Variants in NCAM2 observed in about 807,000 individuals in gnomAD.
NCAM2 encodes the protein N-CAM-2.
In NCAM2, 30 loss-of-function variants were observed where a neutral mutation model predicts 98.1. That is an observed-to-expected ratio of 0.31 (90% CI 0.23 to 0.41). NCAM2 has a LOEUF of 0.41. NCAM2 is among the 10% of genes least tolerant of loss of function. The probability of loss-of-function intolerance (pLI) is 1.00; values close to 1 mark genes in which losing one functional copy is unlikely to be tolerated. For synonymous variants in NCAM2, 368 were observed against 342.4 expected (o/e 1.07, Z -0.83); for missense variants, 867 against 1,005.8 (o/e 0.86, Z 1.87).
At chr21:21,210,546 T>C (rs2069611225) in intron 1 of NCAM2, 3 of 1,287,812 alleles carry the variant, frequency 2.3e-6, no homozygotes, top group East Asian at 5.6e-5. Context: ...TTCAGAGTTA[T>C]TTGAAGAGTA....
intron 5 of NCAM2, among the ~76,000 whole-genome samples, chr21:21,319,869 C>T (rs912601606): frequency 2.6e-5 from 4 of 152,090 alleles, no homozygotes; most frequent in African/African-American, 9.7e-5. Flanking sequence ...TGTTTTTGTA[C>T]TTGCTGTCTA....
intron 5 of NCAM2, among the ~76,000 whole-genome samples, chr21:21,319,608 T>G (rs1334570512): frequency 6.6e-6 from 1 of 152,140 alleles, no homozygotes; most frequent in Non-Finnish European, 1.5e-5. Context: ...ACCACTGCAC[T>G]CCAGCCTGTC....
intron 1 of NCAM2, among the ~76,000 whole-genome samples, chr21:21,089,572 G>T: frequency 6.6e-6 from 1 of 152,154 alleles, no homozygotes; most frequent in East Asian, 1.9e-4. Context: ...GCCTGTGCCA[G>T]AATGACTTTA....
At chr21:21,281,034 G>A (rs973158440) in intron 2 of NCAM2, among the ~76,000 whole-genome samples, 1 of 151,938 alleles carries the variant, frequency 6.6e-6, no homozygotes, top group African/African-American at 2.4e-5. Flanking sequence ...CAAGTGATCC[G>A]CCCGCCTTGG....
In NCAM2 at chr21:21,192,242, C is replaced by CA. The variant is rs2068847222; in HGVS notation, c.56-88329dup. ...CCCTCAAAAAACAAAAAAACAAAAA[C>CA]AAAAAAACTAAAAAAAAACCCGATG... On this transcript the variant is annotated intron_variant, in intron 1 of 17. Coordinates refer to ENST00000400546, the MANE Select transcript of NCAM2 (RefSeq NM_004540.5). Among the ~76,000 whole-genome samples, 8 of 150,144 alleles carry CA rather than the reference C, an allele frequency of 5.3e-5. No homozygotes were observed. The South Asian group carries it at 1.5e-3, about 28-fold the overall frequency.
intron 1 of NCAM2, among the ~76,000 whole-genome samples, chr21:21,232,304 A>T (rs1203550565): frequency 6.6e-6 from 1 of 151,706 alleles, no homozygotes; most frequent in Non-Finnish European, 1.5e-5. Flanking sequence ...ACACATTCAT[A>T]TATAAATTAC....
At chr21:21,448,727 G>A (rs1172480461) in intron 12 of NCAM2, among the ~76,000 whole-genome samples, 1 of 151,904 alleles carries the variant, frequency 6.6e-6, no homozygotes, top group Non-Finnish European at 1.5e-5. Context: ...AGGAGAAATT[G>A]ACTATAAAAT....
At chr21:21,212,163 C>CTTCA (rs1160130794) in intron 1 of NCAM2, among the ~76,000 whole-genome samples, 1 of 152,124 alleles carries the variant, frequency 6.6e-6, no homozygotes, top group Admixed American at 6.5e-5. Flanking sequence ...CCCATATGTC[C>CTTCA]TTCAAGAGGT....
chr21:21,282,989 A>G (rs2072981646), intron 2 of NCAM2, among the ~76,000 whole-genome samples: 2 of 151,906 alleles, frequency 1.3e-5, no homozygotes, highest in South Asian at 4.1e-4. Flanking sequence ...TGTATTATTC[A>G]AATGTAAAGA....
intron 12 of NCAM2, among the ~76,000 whole-genome samples, chr21:21,457,548 G>C (rs1413088688): frequency 3.3e-5 from 5 of 151,922 alleles, no homozygotes; most frequent in African/African-American, 1.2e-4. Flanking sequence ...GCTGAGGCAA[G>C]ATAATTGCTT....
intron 5 of NCAM2, among the ~76,000 whole-genome samples, chr21:21,296,696 G>T (rs2073493520): frequency 2.0e-5 from 3 of 151,590 alleles, no homozygotes; most frequent in Admixed American, 1.3e-4. Flanking sequence ...AGAGATAATT[G>T]GGGCCTTTAC....
chr21:21,452,982 T>C (rs13053108), intron 12 of NCAM2, among the ~76,000 whole-genome samples: 1 of 85,694 alleles, frequency 1.2e-5, no homozygotes, highest in African/African-American at 4.9e-5. Context: ...TATTATATAT[T>C]ATATATTATA....
At chr21:21,146,203 ATAT>A (rs994169663) in intron 1 of NCAM2, among the ~76,000 whole-genome samples, 9 of 152,176 alleles carry the variant, frequency 5.9e-5, no homozygotes, top group African/African-American at 1.4e-4. Context: ...ATATTTTAAA[ATAT>A]TATAGTTCAT....
chr21:21,288,067 A>ATATTATTCACTG (rs1236198126), intron 4 of NCAM2, among the ~76,000 whole-genome samples: 1 of 151,908 alleles, frequency 6.6e-6, no homozygotes, highest in Non-Finnish European at 1.5e-5. Context: ...ATTTGGTATA[A>ATATTATTCACTG]CCTATGTACA....
chr21:21,299,366 C>G (rs1369472270), intron 5 of NCAM2, among the ~76,000 whole-genome samples: 4 of 150,536 alleles, frequency 2.7e-5, no homozygotes, highest in Admixed American at 2.0e-4. Context: ...CGGAGAATGT[C>G]TGTTTCTGAT....
rs1275509684 is a variant in NCAM2 at position 21,540,284 on chromosome 21, CATATATATACATATATAT to C, written c.*2332_*2349del. 1 of 108,304 alleles carries C rather than the reference CATATATATACATATATAT, an allele frequency of 9.2e-6. No individual in the cohort carries two copies. The highest frequency in any genetic ancestry group is 2.0e-5 in the Non-Finnish European group (1 of 50,008). 6.7% of individuals were successfully genotyped at this position (108,304 alleles called of 1,614,324 possible). On this transcript the variant is annotated 3_prime_UTR_variant, in exon 18 of 18. Coordinates refer to ENST00000400546, the MANE Select transcript of NCAM2 (RefSeq NM_004540.5). ...ATATATACACATATATATATATACACATATATATACATATATATATATGATGTTAAATTTCCTGCCACT... is the reference window on the plus strand; with the variant it reads ...ATATATACACATATATATATATACACATATGATGTTAAATTTCCTGCCACT...
At chr21:21,313,204 G>A (rs2074112301) in intron 5 of NCAM2, among the ~76,000 whole-genome samples, 1 of 151,198 alleles carries the variant, frequency 6.6e-6, no homozygotes, top group Non-Finnish European at 1.5e-5. Flanking sequence ...ATTTTGTTCT[G>A]TTTTCAATTT....
intron 1 of NCAM2, among the ~76,000 whole-genome samples, chr21:21,034,995 CT>C (rs1357890890): frequency 2.6e-5 from 4 of 152,288 alleles, no homozygotes; most frequent in Non-Finnish European, 5.9e-5. Flanking sequence ...CACCCTCAAA[CT>C]TGTCTGTAAC....
intron 16 of NCAM2, among the ~76,000 whole-genome samples, chr21:21,520,662 C>A (rs555920970): frequency 3.3e-5 from 5 of 152,230 alleles, no homozygotes; most frequent in African/African-American, 1.2e-4. Context: ...ATCAACAATT[C>A]TTAGATTCAT....
Sources: gnomAD v4.1 joint callset for allele counts (sites outside exome capture counted in the v4.1 genomes callset) on GRCh38, gnomAD v4.1.1 for gene constraint, MANE v1.5 for transcripts, NCBI Gene and HGNC (gene_info 2026-07-23, HGNC 2026-07-21) for gene names.